PHF21B: variants seen among roughly 807,000 people sequenced by gnomAD.
PHF21B encodes the protein PHD finger protein 21B, also known as PHD finger protein 4.
In PHF21B, 22 loss-of-function variants were observed where a neutral mutation model predicts 62.2. The ratio of observed to expected loss-of-function variants is 0.35; its 90% CI spans 0.25 to 0.51. The LOEUF (loss-of-function observed/expected upper bound fraction) is 0.51, where lower values mean the gene tolerates loss of function less well. Ranked by LOEUF, PHF21B falls within the 20% of genes least tolerant of loss-of-function variation. The pLI, the probability that PHF21B is intolerant of heterozygous loss-of-function variation, is 0.97. For missense variants in PHF21B, 701 were observed against 707.9 expected, an observed-to-expected ratio of 0.99 and a Z score of 0.11; for synonymous variants, 341 against 314.7, an observed-to-expected ratio of 1.08 and a Z score of -0.88.
intron 2 of PHF21B, among the ~76,000 whole-genome samples, chr22:44,927,800 G>A (rs1272356507): frequency 6.6e-6 from 1 of 152,114 alleles, no homozygotes; most frequent in African/African-American, 2.4e-5. Context: ...TCTCAGACTC[G>A]ATTTCACCAG....
intron 2 of PHF21B, among the ~76,000 whole-genome samples, chr22:45,007,130 G>A (rs1286618994): frequency 6.7e-6 from 1 of 148,814 alleles, no homozygotes; most frequent in Non-Finnish European, 1.5e-5. Flanking sequence ...CAACTGAAAA[G>A]GGTTAGCGCA....
chr22:44,926,256 G>A (rs560844768), intron 2 of PHF21B, among the ~76,000 whole-genome samples: 9 of 152,302 alleles, frequency 5.9e-5, no homozygotes, highest in East Asian at 3.9e-4. Context: ...GTTCTGTGGC[G>A]GGAAGGCCCA....
chr22:44,961,754 T>A (rs1430762551), intron 2 of PHF21B, among the ~76,000 whole-genome samples: 1 of 151,720 alleles, frequency 6.6e-6, no homozygotes, highest in Admixed American at 6.6e-5. Context: ...GACAGGAAAA[T>A]CGCTTGAACC....
At chr22:44,903,339 C>A (rs2071194122) in intron 5 of PHF21B, among the ~76,000 whole-genome samples, 1 of 151,758 alleles carries the variant, frequency 6.6e-6, no homozygotes, top group Non-Finnish European at 1.5e-5. Context: ...CTGGAGTCCC[C>A]TACACCACTC....
intron 2 of PHF21B, among the ~76,000 whole-genome samples, chr22:44,953,183 G>A (rs141646395): frequency 6.6e-6 from 1 of 152,172 alleles, no homozygotes; most frequent in Non-Finnish European, 1.5e-5. Flanking sequence ...ACTGAGGCCC[G>A]CAGCTGGGGC....
At chr22:44,914,198 G>A in intron 4 of PHF21B, 110 bp from the exon 5 acceptor site, 1 of 573,068 alleles carries the variant, frequency 1.7e-6, no homozygotes, top group Non-Finnish European at 3.1e-6. Flanking sequence ...CCTGGGCCAG[G>A]CCAACCTGGG....
chr22:44,935,430 C>T (rs1034742603), intron 2 of PHF21B, among the ~76,000 whole-genome samples: 3 of 151,998 alleles, frequency 2.0e-5, no homozygotes, highest in Non-Finnish European at 4.4e-5. Context: ...CTGGCTAACA[C>T]GGTGAAACCC....
At position 44,916,635 on chromosome 22, in the gene PHF21B, G is replaced by C. The variant is rs1601596033; in HGVS notation, c.214-5C>G. The C allele has an allele frequency of 9.4e-6, 15 of 1,599,966 alleles. No individual in the cohort carries two copies. The highest frequency in any genetic ancestry group is 1.2e-5 in the Non-Finnish European group (14 of 1,179,466). On this transcript the variant is annotated splice_polypyrimidine_tract_variant and splice_region_variant and intron_variant, in intron 3 of 12. Transcript: ENST00000313237. The stretch of plus-strand genomic sequence containing the variant: ...AATCAGAGTCTTTGGCCTAACCTGG[G>C]AAGAAGGGACAGGTATGTGGTCAGA...
chr22:44,961,223 G>C (rs1405069720), intron 2 of PHF21B, among the ~76,000 whole-genome samples: 1 of 151,990 alleles, frequency 6.6e-6, no homozygotes, highest in Non-Finnish European at 1.5e-5. Flanking sequence ...CCAAAGTGCT[G>C]GGATTACAGG....
intron 2 of PHF21B, among the ~76,000 whole-genome samples, chr22:44,975,284 G>A (rs2072715385): frequency 6.6e-6 from 1 of 152,182 alleles, no homozygotes; most frequent in South Asian, 2.1e-4. Context: ...CCCAAGGAGT[G>A]ACCAGCACCT....
chr22:44,966,104 C>G (rs1027065471), intron 2 of PHF21B, among the ~76,000 whole-genome samples: 1 of 152,122 alleles, frequency 6.6e-6, no homozygotes. Context: ...TCCTCCAGAG[C>G]CTGCCAGATG....
chr22:44,935,338 G>C (rs1211535481), intron 2 of PHF21B, among the ~76,000 whole-genome samples: 1 of 151,900 alleles, frequency 6.6e-6, no homozygotes, highest in Non-Finnish European at 1.5e-5. Context: ...CACATGGCCG[G>C]GCGCGGTGGC....
intron 2 of PHF21B, among the ~76,000 whole-genome samples, chr22:44,952,365 C>T (rs555931553): frequency 1.2e-4 from 18 of 152,248 alleles, no homozygotes; most frequent in Middle Eastern, 3.4e-3. Flanking sequence ...TAAAATAGAA[C>T]CAACATGCAT....
chr22:45,004,760 A>T (rs2073283955), intron 2 of PHF21B, among the ~76,000 whole-genome samples: 2 of 152,204 alleles, frequency 1.3e-5, no homozygotes, highest in Admixed American at 6.5e-5. Context: ...CACAGCTGGT[A>T]AGTCATGGTG....
At chr22:44,990,711 T>C (rs996190873) in intron 2 of PHF21B, among the ~76,000 whole-genome samples, 4 of 152,242 alleles carry the variant, frequency 2.6e-5, no homozygotes, top group African/African-American at 9.6e-5. Flanking sequence ...GGGTACCAAG[T>C]TGCAGTTTGG....
chr22:44,976,556 T>C (rs1480210075), intron 2 of PHF21B, among the ~76,000 whole-genome samples: 1 of 152,234 alleles, frequency 6.6e-6, no homozygotes, highest in Non-Finnish European at 1.5e-5. Flanking sequence ...GTTGGTTTCA[T>C]GCACTTTTGA....
Position 44,914,594 on chromosome 22 carries a change from C to T in PHF21B, c.565-506G>A, listed in dbSNP as rs549689997. ...GGAACCCCTCAGGTCAGCCTGGCTC[C>T]GTTTCTCCCTCCCCACACCACAGTG... On this transcript the variant is annotated intron_variant, in intron 4 of 12. Transcript: ENST00000313237. 3.9e-5 allele frequency among the ~76,000 whole-genome samples: 6 copies of T among 152,342 alleles called. No homozygotes were observed. In the East Asian group the frequency reaches 1.2e-3, roughly 29 times the overall value.
chr22:44,942,795 G>C (rs547309493), intron 2 of PHF21B, among the ~76,000 whole-genome samples: 1 of 152,172 alleles, frequency 6.6e-6, no homozygotes, highest in African/African-American at 2.4e-5. Flanking sequence ...CACCCGGGAC[G>C]GGGGTGCAGG....
At chr22:44,995,715 G>A (rs998467366) in intron 2 of PHF21B, among the ~76,000 whole-genome samples, 1 of 152,060 alleles carries the variant, frequency 6.6e-6, no homozygotes, top group Non-Finnish European at 1.5e-5. Flanking sequence ...TTTAGCACTC[G>A]GTATGTCGGC....
Sources: gnomAD v4.1 joint callset for allele counts (sites outside exome capture counted in the v4.1 genomes callset) on GRCh38, gnomAD v4.1.1 for gene constraint, MANE v1.5 for transcripts, NCBI Gene and HGNC (gene_info 2026-07-23, HGNC 2026-07-21) for gene names.